Variants in SLC1A7 observed in about 807,000 individuals in gnomAD.
SLC1A7 encodes excitatory amino acid transporter 5.
SLC1A7 carries 40 observed loss-of-function variants against 47.7 expected under a neutral mutation model. The observed-to-expected ratio is 0.84, with a 90% CI of 0.65 to 1.09. SLC1A7 has a LOEUF of 1.09. SLC1A7 is among the 50% of genes least tolerant of loss of function. SLC1A7 has a pLI of 0.00. For synonymous variants in SLC1A7, 323 were observed against 325.6 expected (o/e 0.99, Z 0.09); for missense variants, 746 against 769.5 (o/e 0.97, Z 0.36).
At chr1:53,104,996 G>T (rs1644624280) in intron 4 of SLC1A7, among the ~76,000 whole-genome samples, 1 of 152,156 alleles carries the variant, frequency 6.6e-6, no homozygotes, top group Admixed American at 6.5e-5. Flanking sequence ...GGCCATTGTA[G>T]TACCACTAAA....
chr1:53,097,355 A>T (rs972035799), intron 5 of SLC1A7, among the ~76,000 whole-genome samples: 1 of 126,514 alleles, frequency 7.9e-6, no homozygotes, highest in African/African-American at 2.9e-5. Context: ...CCGTGTACTC[A>T]CACACACCCC....
intron 2 of SLC1A7, among the ~76,000 whole-genome samples, chr1:53,129,315 A>G (rs776716985): frequency 6.6e-6 from 1 of 152,192 alleles, no homozygotes; most frequent in Non-Finnish European, 1.5e-5. Flanking sequence ...CCCACTTTAT[A>G]GATAAGGACA....
intron 2 of SLC1A7, among the ~76,000 whole-genome samples, chr1:53,119,850 A>G (rs928947606): frequency 6.6e-6 from 1 of 152,104 alleles, no homozygotes; most frequent in African/African-American, 2.4e-5. Flanking sequence ...TTCCATGAGG[A>G]TGACTTCAAA....
intron 5 of SLC1A7, among the ~76,000 whole-genome samples, chr1:53,094,709 CCA>C (rs1379258014): frequency 6.6e-6 from 1 of 152,186 alleles, no homozygotes; most frequent in East Asian, 1.9e-4. Context: ...TGATGCAGAC[CCA>C]GACTCCCCTG....
intron 3 of SLC1A7, chr1:53,108,404 G>A (rs1679938): frequency 0.67 from 399,273 of 594,918 alleles, 141,386 homozygotes; most frequent in Non-Finnish European, 0.76. Context: ...GCCTTGGCAG[G>A]GACAGCTAGT....
chr1:53,092,883 C>G, intron 6 of SLC1A7, 96 bp from the exon 7 acceptor site: 1 of 768,850 alleles, frequency 1.3e-6, no homozygotes. Context: ...CCTGAGCTTC[C>G]TGGGGCTCCT....
chr1:53,131,418 G>A (rs1017274686), intron 2 of SLC1A7, among the ~76,000 whole-genome samples: 1 of 152,238 alleles, frequency 6.6e-6, no homozygotes, highest in African/African-American at 2.4e-5. Flanking sequence ...TGGCCTCTAA[G>A]GTGCCTCTGT....
intron 3 of SLC1A7, chr1:53,108,336 T>A: frequency 3.8e-6 from 2 of 522,342 alleles, no homozygotes; most frequent in Non-Finnish European, 6.8e-6. Flanking sequence ...ATGGAACTTA[T>A]ACCTATATAG....
chr1:53,135,990 C>A (rs1485701967), intron 1 of SLC1A7, among the ~76,000 whole-genome samples: 1 of 151,854 alleles, frequency 6.6e-6, no homozygotes, highest in Non-Finnish European at 1.5e-5. Flanking sequence ...GATCTTCTAG[C>A]CCAGCCCACT....
intron 9 of SLC1A7, among the ~76,000 whole-genome samples, chr1:53,089,475 G>A (rs1031490910): frequency 6.6e-6 from 1 of 152,168 alleles, no homozygotes; most frequent in African/African-American, 2.4e-5. Flanking sequence ...ATTTTACTGT[G>A]TTGCCCAGGC....
rs529608431 is a variant in SLC1A7, at chr1:53,131,074, C to A, written c.215+3276G>T. On this transcript the variant is annotated intron_variant, in intron 2 of 10. Coordinates refer to ENST00000371494, the MANE Select transcript of SLC1A7 (RefSeq NM_006671.6). ...CACGGTTGCTCTGCACCAGTCCAAA[C>A]TCTATAATAAACAAATGAAATGTAT... Among the ~76,000 whole-genome samples the A allele has an allele frequency of 2.6e-5, 4 of 152,354 alleles. No homozygotes were observed. The East Asian group carries it at 7.7e-4, about 29-fold the overall frequency.
intron 1 of SLC1A7, among the ~76,000 whole-genome samples, chr1:53,141,022 G>A (rs530076981): frequency 1.3e-5 from 2 of 152,294 alleles, no homozygotes; most frequent in African/African-American, 4.8e-5. Flanking sequence ...GACTTTCTGG[G>A]AATAGGGACT....
At chr1:53,116,036 T>C (rs1468686590) in intron 2 of SLC1A7, 1 of 152,244 alleles carries the variant, frequency 6.6e-6, no homozygotes, top group Non-Finnish European at 1.5e-5. Flanking sequence ...TTCTTTCAGA[T>C]AAAGAAGTAT....
At chr1:53,124,123 C>A (rs1679972) in intron 2 of SLC1A7, among the ~76,000 whole-genome samples, 150,140 of 152,354 alleles carry the variant, frequency 0.99, 74,019 homozygotes, top group Middle Eastern at 1. Flanking sequence ...TTTTCTGCCA[C>A]ACTAGAGTTC....
rs764468000 is a variant in SLC1A7 at position 53,142,350 on chromosome 1, C to T, written c.100G>A (p.Gly34Ser). Residue 34 changes from glycine (G) to serine (S), a missense_variant, in exon 1 of 11, where the codon GGC (glycine) becomes AGC (serine). By Grantham distance (56) the Gly-to-Ser change is moderately conservative (BLOSUM62 0). Transcript: ENST00000371494. Reference protein sequence around the residue: ...VLSVIVGCLLGFFLRTRRLSP... With the variant: ...VLSVIVGCLLSFFLRTRRLSP... ...AGGCGCCGGGTCCTCAAGAAGAAGC[C>T]GAGGAGGCAGCCCACGATGACAGAC... 12 of 1,577,408 alleles carry T rather than the reference C, an allele frequency of 7.6e-6. No homozygotes were observed. Among genetic ancestry groups the T allele is most frequent in the Admixed American group, 7.3e-5 (4 of 54,600 alleles).
intron 4 of SLC1A7, 147 bp downstream of exon 4, chr1:53,105,585 C>T (rs944869664): frequency 1.6e-5 from 12 of 727,698 alleles, no homozygotes; most frequent in South Asian, 4.5e-5. Flanking sequence ...GGTTCCCCAG[C>T]GTACCCTCCC....
chr1:53,120,444 C>A (rs1644806629), intron 2 of SLC1A7, among the ~76,000 whole-genome samples: 2 of 152,172 alleles, frequency 1.3e-5, no homozygotes, highest in African/African-American at 4.8e-5. Flanking sequence ...CTCCCCATTG[C>A]CCTCCGCAAC....
At chr1:53,107,153 TAAAAAA>T (rs11417607) in intron 3 of SLC1A7, among the ~76,000 whole-genome samples, 1 of 24,334 alleles carries the variant, frequency 4.1e-5, no homozygotes, top group Non-Finnish European at 1.0e-4. Context: ...AGACTCTGAC[TAAAAAA>T]AAAAAAAAAA....
At chr1:53,133,184 C>T (rs1166935873) in intron 2 of SLC1A7, among the ~76,000 whole-genome samples, 2 of 152,114 alleles carry the variant, frequency 1.3e-5, no homozygotes, top group African/African-American at 2.4e-5. Flanking sequence ...AAGAACTGGA[C>T]GTGTCGTACA....
Sources: gnomAD v4.1 joint callset for allele counts (sites outside exome capture counted in the v4.1 genomes callset) on GRCh38, gnomAD v4.1.1 for gene constraint, MANE v1.5 for transcripts, NCBI Gene and HGNC (gene_info 2026-07-23, HGNC 2026-07-21) for gene names.